FOXP1: variants seen among roughly 807,000 people sequenced by gnomAD.
The protein encoded by FOXP1 is forkhead box protein P1.
FOXP1 carries 15 observed loss-of-function variants against 98.2 expected under a neutral mutation model. That is an observed-to-expected ratio of 0.15 (90% confidence interval 0.10 to 0.24). FOXP1 has a LOEUF of 0.24. FOXP1 is among the 10% of genes least tolerant of loss of function. The pLI is 1.00. For synonymous variants in FOXP1, 371 were observed against 314.5 expected (o/e 1.18, Z -1.90); for missense variants, 633 against 848.5 (o/e 0.75, Z 3.15).
At chr3:71,387,159 T>C (rs1309704181) in intron 3 of FOXP1, among the ~76,000 whole-genome samples, 1 of 152,228 alleles carries the variant, frequency 6.6e-6, no homozygotes, top group Non-Finnish European at 1.5e-5. Context: ...CAAAATATCT[T>C]ATTTCTTTCG....
chr3:71,343,505 A>G (rs1266908583), intron 4 of FOXP1, among the ~76,000 whole-genome samples: 1 of 151,880 alleles, frequency 6.6e-6, no homozygotes, highest in Non-Finnish European at 1.5e-5. Flanking sequence ...GGGGCGGGGA[A>G]GATAAGTTCT....
chr3:71,137,767 G>A (rs2059890881), intron 6 of FOXP1, among the ~76,000 whole-genome samples: 1 of 131,838 alleles, frequency 7.6e-6, no homozygotes, highest in Non-Finnish European at 1.6e-5. Flanking sequence ...AAATCCAAAA[G>A]ATAATTCTAT....
chr3:71,384,142 C>T (rs887580243), intron 3 of FOXP1, among the ~76,000 whole-genome samples: 1 of 152,110 alleles, frequency 6.6e-6, no homozygotes, highest in East Asian at 1.9e-4. Flanking sequence ...TCGCTTGAAC[C>T]CCCAGAGGTG....
At chr3:71,173,546 G>GGCCTA (rs1381091148) in intron 6 of FOXP1, among the ~76,000 whole-genome samples, 3 of 152,128 alleles carry the variant, frequency 2.0e-5, no homozygotes, top group Non-Finnish European at 4.4e-5. Flanking sequence ...AGAAGCAGAA[G>GGCCTA]GCCTAGGCCA....
chr3:71,302,528 AAAAGAT>A (rs1444530716), intron 4 of FOXP1, among the ~76,000 whole-genome samples: 1 of 151,412 alleles, frequency 6.6e-6, no homozygotes, highest in Non-Finnish European at 1.5e-5. Context: ...AAAAAAAAAA[AAAAGAT>A]AAAGATAAAA....
chr3:71,448,367 T>C (rs547640414), intron 3 of FOXP1, among the ~76,000 whole-genome samples: 1 of 152,274 alleles, frequency 6.6e-6, no homozygotes, highest in South Asian at 2.1e-4. Flanking sequence ...TGTTGACTGG[T>C]AAGGTTTAAG....
chr3:71,342,536 T>A (rs896790433), intron 4 of FOXP1, among the ~76,000 whole-genome samples: 5 of 151,884 alleles, frequency 3.3e-5, no homozygotes, highest in Admixed American at 2.0e-4. Context: ...CTACTAAAAA[T>A]ACAAAAATTA....
At chr3:71,223,688 C>G (rs571403530) in intron 5 of FOXP1, among the ~76,000 whole-genome samples, 1 of 131,910 alleles carries the variant, frequency 7.6e-6, no homozygotes, top group Non-Finnish European at 1.6e-5. Flanking sequence ...AGCGAGACTA[C>G]GTCTCAAAAA....
intron 4 of FOXP1, among the ~76,000 whole-genome samples, chr3:71,351,599 T>C (rs565276084): frequency 6.6e-6 from 1 of 152,360 alleles, no homozygotes; most frequent in South Asian, 2.1e-4. Context: ...TAGCCAATGT[T>C]ACCTTTCAGT....
chr3:71,202,454 C>T (rs979236698), intron 5 of FOXP1, among the ~76,000 whole-genome samples: 1 of 152,168 alleles, frequency 6.6e-6, no homozygotes, highest in Non-Finnish European at 1.5e-5. Context: ...ATCAAACGTT[C>T]CAAGTCATTT....
intron 3 of FOXP1, among the ~76,000 whole-genome samples, chr3:71,414,081 G>A (rs2083006831): frequency 6.7e-6 from 1 of 150,050 alleles, no homozygotes; most frequent in Admixed American, 6.6e-5. Flanking sequence ...GGCCACCCAA[G>A]GCAAAGAAAA....
intron 3 of FOXP1, among the ~76,000 whole-genome samples, chr3:71,476,287 A>C (rs1349619619): frequency 6.6e-6 from 1 of 152,078 alleles, no homozygotes; most frequent in Non-Finnish European, 1.5e-5. Context: ...TTAAATATAA[A>C]TTCATCAAGT....
Position 71,247,538 on chromosome 3 carries a change from C to A in FOXP1, c.-11-49146G>T, listed in dbSNP as rs12639208. Among the ~76,000 whole-genome samples, 5 of 152,200 alleles carry A rather than the reference C, an allele frequency of 3.3e-5. No individual in the cohort carries two copies. The East Asian group carries it at 9.6e-4, about 29-fold the overall frequency. On this transcript the variant is annotated intron_variant, in intron 5 of 20. Coordinates refer to ENST00000649528, the MANE Select transcript of FOXP1 (RefSeq NM_001349338.3). ...GGTGTGCTGCTGCTGTAAATAAAATCAGGCCGAGGGCCTGCGAGCGACTTT... is the reference window on the plus strand; with the variant it reads ...GGTGTGCTGCTGCTGTAAATAAAATAAGGCCGAGGGCCTGCGAGCGACTTT...
chr3:71,497,237 T>C (rs1560567739), intron 2 of FOXP1, among the ~76,000 whole-genome samples: 1 of 152,104 alleles, frequency 6.6e-6, no homozygotes, highest in East Asian at 1.9e-4. Flanking sequence ...AAACTATCTC[T>C]TAAAGCTGAG....
At chr3:71,281,870 G>C (rs759913960) in intron 5 of FOXP1, among the ~76,000 whole-genome samples, 2 of 151,428 alleles carry the variant, frequency 1.3e-5, no homozygotes, top group Non-Finnish European at 2.9e-5. Flanking sequence ...GGAGGCCAAG[G>C]CATGTCACTT....
At chr3:71,351,438 C>T (rs2077773895) in intron 4 of FOXP1, among the ~76,000 whole-genome samples, 2 of 152,142 alleles carry the variant, frequency 1.3e-5, no homozygotes, top group South Asian at 4.1e-4. Flanking sequence ...CCTTTTAAGT[C>T]AAAATTGCTT....
intron 5 of FOXP1, among the ~76,000 whole-genome samples, chr3:71,289,019 C>CTTATTTATTTATTTATTTAT (rs55803418): frequency 6.7e-6 from 1 of 148,674 alleles, no homozygotes; most frequent in Non-Finnish European, 1.5e-5. Context: ...CAACTCTCTT[C>CTTATTTATTTATTTATTTAT]TTATTTATTT....
intron 20 of FOXP1, among the ~76,000 whole-genome samples, chr3:70,965,293 C>G (rs2034510625): frequency 6.6e-6 from 1 of 152,230 alleles, no homozygotes; most frequent in Admixed American, 6.5e-5. Flanking sequence ...CATTCACATT[C>G]AGCATGGGCA....
chr3:71,329,477 C>T (rs2076159489), intron 4 of FOXP1, among the ~76,000 whole-genome samples: 1 of 151,812 alleles, frequency 6.6e-6, no homozygotes, highest in Admixed American at 6.6e-5. Flanking sequence ...TCTCAGCCTC[C>T]CAAAGTGCTG....
Sources: gnomAD v4.1 joint callset for allele counts (sites outside exome capture counted in the v4.1 genomes callset) on GRCh38, gnomAD v4.1.1 for gene constraint, MANE v1.5 for transcripts, NCBI Gene and HGNC (gene_info 2026-07-23, HGNC 2026-07-21) for gene names.